The following CACNA2D3 variants were observed in gnomAD, a reference collection of about 807,000 sequenced individuals.
The protein encoded by CACNA2D3 is calcium voltage-gated channel auxiliary subunit alpha2delta 3.
CACNA2D3 carries 60 observed loss-of-function variants against 160.6 expected under a neutral mutation model. That is an observed-to-expected ratio of 0.37 (90% CI 0.30 to 0.46). The LOEUF (loss-of-function observed/expected upper bound fraction) is 0.46, where lower values mean the gene tolerates loss of function less well. CACNA2D3 is among the 20% of genes least tolerant of loss of function. CACNA2D3 has a pLI of 1.00. For missense variants in CACNA2D3, 1,205 were observed against 1,365.0 expected, an observed-to-expected ratio of 0.88 and a Z score of 1.85; for synonymous variants, 558 against 492.9, an observed-to-expected ratio of 1.13 and a Z score of -1.75.
intron 20 of CACNA2D3, 27 bp downstream of exon 20, chr3:54,879,438 T>G: frequency 6.7e-7 from 1 of 1,493,702 alleles, no homozygotes; most frequent in Non-Finnish European, 9.3e-7. Flanking sequence ...TACATGGACA[T>G]TCCATCAGAC....
chr3:54,639,150 T>TGG (rs756303967), intron 10 of CACNA2D3: 5 of 151,068 alleles, frequency 3.3e-5, no homozygotes, highest in Non-Finnish European at 7.4e-5. Context: ...AATAAGCGAT[T>TGG]GGGGGGTTCT....
intron 6 of CACNA2D3, among the ~76,000 whole-genome samples, chr3:54,565,821 T>G (rs1198118614): frequency 6.6e-6 from 1 of 152,168 alleles, no homozygotes; most frequent in Non-Finnish European, 1.5e-5. Context: ...ATGACTTCAT[T>G]AGGCTCTATA....
At chr3:54,632,968 G>A (rs1043657938) in intron 10 of CACNA2D3, among the ~76,000 whole-genome samples, 5 of 152,210 alleles carry the variant, frequency 3.3e-5, no homozygotes, top group African/African-American at 1.2e-4. Context: ...TAACGTGACA[G>A]TGTCAGGGGC....
chr3:54,791,261 C>G (rs958334898), intron 13 of CACNA2D3, among the ~76,000 whole-genome samples: 1 of 152,138 alleles, frequency 6.6e-6, no homozygotes, highest in African/African-American at 2.4e-5. Flanking sequence ...TGGGTTACAC[C>G]CATTTATTAT....
At chr3:54,864,499 C>T (rs915110363) in intron 17 of CACNA2D3, among the ~76,000 whole-genome samples, 1 of 152,090 alleles carries the variant, frequency 6.6e-6, no homozygotes, top group Non-Finnish European at 1.5e-5. Context: ...GTCTCAAACT[C>T]CAGACCTGCC....
chr3:54,648,291 A>G (rs189610066), intron 11 of CACNA2D3, among the ~76,000 whole-genome samples: 5 of 152,230 alleles, frequency 3.3e-5, no homozygotes, highest in Non-Finnish European at 7.3e-5. Flanking sequence ...ATAGAATTCA[A>G]ATTTCAGTGT....
At chr3:54,278,889 C>A (rs555753938) in intron 2 of CACNA2D3, among the ~76,000 whole-genome samples, 1 of 152,058 alleles carries the variant, frequency 6.6e-6, no homozygotes, top group Non-Finnish European at 1.5e-5. Flanking sequence ...ATGTAGATGA[C>A]GGGTTGATGG....
intron 13 of CACNA2D3, among the ~76,000 whole-genome samples, chr3:54,768,546 A>T (rs1220408112): frequency 6.6e-6 from 1 of 152,204 alleles, no homozygotes; most frequent in East Asian, 1.9e-4. Context: ...TTTTGTGACC[A>T]CAGAGCCAAA....
intron 35 of CACNA2D3, among the ~76,000 whole-genome samples, chr3:55,072,736 GTCTT>G (rs1345477247): frequency 1.3e-5 from 2 of 152,166 alleles, no homozygotes; most frequent in Admixed American, 6.5e-5. Context: ...ATTTTATAGT[GTCTT>G]TCTTTGTCAC....
At chr3:54,511,731 C>T (rs958177282) in intron 5 of CACNA2D3, among the ~76,000 whole-genome samples, 1 of 152,148 alleles carries the variant, frequency 6.6e-6, no homozygotes, top group Non-Finnish European at 1.5e-5. Context: ...GGAATGGTTA[C>T]TAATAGTGTT....
chr3:54,169,213 A>G (rs1216725153), intron 2 of CACNA2D3, among the ~76,000 whole-genome samples: 2 of 152,230 alleles, frequency 1.3e-5, no homozygotes, highest in Non-Finnish European at 2.9e-5. Flanking sequence ...GAAAGTATCA[A>G]GGCTGAAATA....
At chr3:54,146,714 A>G (rs1223727215) in intron 2 of CACNA2D3, among the ~76,000 whole-genome samples, 1 of 152,174 alleles carries the variant, frequency 6.6e-6, no homozygotes, top group Non-Finnish European at 1.5e-5. Context: ...TGTGCACAGA[A>G]CGTCTTAGGG....
At chr3:54,351,164 TAGAGAGGGGGTTACCGCATGTTGG>T (rs1698558468) in intron 3 of CACNA2D3, among the ~76,000 whole-genome samples, 1 of 151,574 alleles carries the variant, frequency 6.6e-6, no homozygotes, top group Non-Finnish European at 1.5e-5. Flanking sequence ...GTACTTTTAC[TAGAGAGGGGGTTACCGCATGTTGG>T]CCAGGCTGGT....
intron 17 of CACNA2D3, among the ~76,000 whole-genome samples, chr3:54,854,546 T>C (rs1446308339): frequency 6.6e-6 from 1 of 152,076 alleles, no homozygotes; most frequent in Non-Finnish European, 1.5e-5. Context: ...TTATGGACAG[T>C]GTGCTTATGA....
chr3:54,286,462 C>T (rs1380582187), intron 2 of CACNA2D3, among the ~76,000 whole-genome samples: 2 of 152,176 alleles, frequency 1.3e-5, no homozygotes, highest in Non-Finnish European at 2.9e-5. Context: ...AATGGTGTAC[C>T]TGATAGTGAT....
At chr3:54,546,290 C>A (rs1339400487) in intron 5 of CACNA2D3, among the ~76,000 whole-genome samples, 1 of 152,134 alleles carries the variant, frequency 6.6e-6, no homozygotes, top group African/African-American at 2.4e-5. Context: ...ACCATTTTTA[C>A]CCCTCATTTT....
At chr3:54,319,185 C>CACAG (rs1437397925) in intron 2 of CACNA2D3, among the ~76,000 whole-genome samples, 1 of 151,142 alleles carries the variant, frequency 6.6e-6, no homozygotes, top group Non-Finnish European at 1.5e-5. Flanking sequence ...CACACACACA[C>CACAG]ACACACACAC....
chr3:54,666,673 C>T (rs1700074054), intron 11 of CACNA2D3, among the ~76,000 whole-genome samples: 1 of 152,200 alleles, frequency 6.6e-6, no homozygotes, highest in Admixed American at 6.5e-5. Flanking sequence ...AAGTCACCTC[C>T]TCTCCCAACT....
intron 13 of CACNA2D3, among the ~76,000 whole-genome samples, chr3:54,807,312 A>G (rs1307085214): frequency 1.3e-5 from 2 of 152,208 alleles, no homozygotes; most frequent in Non-Finnish European, 2.9e-5. Context: ...TCATCTAACA[A>G]AGGGCTAATA....
Sources: gnomAD v4.1 joint callset for allele counts (sites outside exome capture counted in the v4.1 genomes callset) on GRCh38, gnomAD v4.1.1 for gene constraint, MANE v1.5 for transcripts, NCBI Gene and HGNC (gene_info 2026-07-23, HGNC 2026-07-21) for gene names.